Variants in TLN2 observed in about 807,000 individuals in gnomAD.
The protein encoded by TLN2 is talin-2.
Under a neutral mutation model 294.7 loss-of-function variants are expected in TLN2, and 118 were observed. The observed-to-expected ratio is 0.40, with a 90% CI of 0.34 to 0.47. The LOEUF (loss-of-function observed/expected upper bound fraction) is 0.47, where lower values mean the gene tolerates loss of function less well. Among genes scored for constraint, TLN2 ranks in the 20% least tolerant of loss-of-function variants. The pLI is 0.84. For missense variants in TLN2, 3,083 were observed against 3,282.2 expected, an observed-to-expected ratio of 0.94 and a Z score of 1.48; for synonymous variants, 1,431 against 1,304.5, an observed-to-expected ratio of 1.10 and a Z score of -2.09.
intron 3 of TLN2, among the ~76,000 whole-genome samples, chr15:62,622,566 C>T (rs899324087): frequency 1.3e-5 from 2 of 152,134 alleles, no homozygotes; most frequent in African/African-American, 4.8e-5. Flanking sequence ...ATACAACTTA[C>T]TGTAATTAAT....
At chr15:62,504,839 G>A (rs1245957063) in intron 1 of TLN2, among the ~76,000 whole-genome samples, 1 of 144,942 alleles carries the variant, frequency 6.9e-6, no homozygotes, top group Non-Finnish European at 1.5e-5. Flanking sequence ...GTGTGTGTGT[G>A]TGTGTGTGAG....
intron 42 of TLN2, among the ~76,000 whole-genome samples, chr15:62,774,743 A>T (rs1372063417): frequency 1.3e-5 from 2 of 152,166 alleles, no homozygotes; most frequent in African/African-American, 4.8e-5. Flanking sequence ...GAGCAAGGAT[A>T]TGCTTTTATA....
chr15:62,541,371 T>C (rs566914610), intron 1 of TLN2, among the ~76,000 whole-genome samples: 1 of 152,230 alleles, frequency 6.6e-6, no homozygotes, highest in Non-Finnish European at 1.5e-5. Flanking sequence ...TTCTGTTATT[T>C]CTTGCTCTCG....
rs1252022074 is a variant in TLN2, at chr15:62,650,138, T to C, written c.191T>C (p.Leu64Pro). The change falls in exon 5 of 59, where the codon CTG becomes CCG. Residue 64 changes from leucine (L) to proline (P), a missense_variant. Physicochemically the swap from Leu to Pro is moderately conservative, Grantham distance 98. Coordinates refer to ENST00000636159, the MANE Select transcript of TLN2 (RefSeq NM_015059.3). ...GAAGACCCGAGGAAAGGGATTTGGC[T>C]GGAAGCGGGCAGAACACTGGATTAC... is the stretch of plus-strand genomic sequence containing the variant. The part of the protein sequence containing the change: ...SDEDPRKGIW[L>P]EAGRTLDYYM... The C allele has an allele frequency of 6.2e-7, 1 of 1,614,208 alleles. No individual in the cohort carries two copies.
intron 3 of TLN2, among the ~76,000 whole-genome samples, chr15:62,630,168 C>A (rs542928426): frequency 6.6e-6 from 1 of 152,198 alleles, no homozygotes; most frequent in South Asian, 2.1e-4. Context: ...AACTAATCAT[C>A]ATTTTTGCTT....
chr15:62,532,672 C>G (rs2041113804), intron 1 of TLN2, among the ~76,000 whole-genome samples: 1 of 152,084 alleles, frequency 6.6e-6, no homozygotes, highest in East Asian at 1.9e-4. Context: ...GCAACAAAAC[C>G]ATGCCTCTCT....
At chr15:62,538,074 T>G (rs1404342445) in intron 1 of TLN2, among the ~76,000 whole-genome samples, 1 of 151,970 alleles carries the variant, frequency 6.6e-6, no homozygotes, top group East Asian at 1.9e-4. Context: ...ATACAAAAAT[T>G]AGCTGGGCAT....
At chr15:62,575,235 G>A (rs1050390259) in intron 1 of TLN2, among the ~76,000 whole-genome samples, 4 of 152,120 alleles carry the variant, frequency 2.6e-5, no homozygotes, top group African/African-American at 4.8e-5. Flanking sequence ...TGGGAGGATC[G>A]CTTGAGCCTT....
At chr15:62,838,764 C>A in intron 57 of TLN2, 92 bp from the exon 58 acceptor site, 1 of 1,501,886 alleles carries the variant, frequency 6.7e-7, no homozygotes, top group Non-Finnish European at 9.0e-7. Context: ...TCAATTGACT[C>A]ATGGTCTCAC....
At chr15:62,715,466 C>T (rs559257486) in intron 22 of TLN2, among the ~76,000 whole-genome samples, 1 of 152,268 alleles carries the variant, frequency 6.6e-6, no homozygotes, top group East Asian at 1.9e-4. Context: ...GAGAGGAAGG[C>T]TGGATGTGCT....
At chr15:62,487,416 C>G (rs1369509608) in intron 1 of TLN2, among the ~76,000 whole-genome samples, 4 of 152,154 alleles carry the variant, frequency 2.6e-5, no homozygotes, top group African/African-American at 9.7e-5. Flanking sequence ...TATCTTGGGT[C>G]AGTGCTTCTC....
intron 28 of TLN2, among the ~76,000 whole-genome samples, chr15:62,735,852 T>C (rs76545132): frequency 0.083 from 12,674 of 152,038 alleles, 786 homozygotes; most frequent in Admixed American, 0.21. Flanking sequence ...AACAGGAGAA[T>C]GGGTCAACAA....
chr15:62,570,708 T>G (rs1200354118), intron 1 of TLN2, among the ~76,000 whole-genome samples: 1 of 152,222 alleles, frequency 6.6e-6, no homozygotes, highest in Non-Finnish European at 1.5e-5. Flanking sequence ...GTTTAGCAGC[T>G]GCCTCGGCCT....
chr15:62,749,296 C>T (rs554591789), intron 33 of TLN2, among the ~76,000 whole-genome samples: 61 of 152,306 alleles, frequency 4.0e-4, no homozygotes, highest in Non-Finnish European at 7.6e-4. Context: ...ATCACAGGAC[C>T]GAAGCATTCT....
intron 52 of TLN2, among the ~76,000 whole-genome samples, chr15:62,818,393 C>G (rs1251531361): frequency 6.6e-6 from 1 of 152,142 alleles, no homozygotes; most frequent in African/African-American, 2.4e-5. Context: ...AGAATTTCAA[C>G]ATGAGGAAGG....
At chr15:62,585,420 A>C (rs1207483441) in intron 1 of TLN2, among the ~76,000 whole-genome samples, 1 of 152,198 alleles carries the variant, frequency 6.6e-6, no homozygotes, top group African/African-American at 2.4e-5. Flanking sequence ...ATAGCTAAGT[A>C]TGAGTATGAT....
chr15:62,470,001 A>G (rs1181242501), intron 1 of TLN2, among the ~76,000 whole-genome samples: 1 of 152,170 alleles, frequency 6.6e-6, no homozygotes, highest in Non-Finnish European at 1.5e-5. Context: ...TAAGTCCAGC[A>G]TTCTTCGTGA....
In TLN2 at chr15:62,792,757, G is replaced by A. The variant is rs371640026; in HGVS notation, c.5853G>A (p.Leu1951=). The change falls in exon 46 of 59, where the codon CTG becomes CTA. Residue 1951 remains leucine, a synonymous_variant. Transcript: ENST00000636159. Reference sequence around the variant, plus strand: ...CAGACAGCTACACCAAGAGGGAGCTGATCGAATGCGCCCGTGCCGTCACGG... The same window carrying A: ...CAGACAGCTACACCAAGAGGGAGCTAATCGAATGCGCCCGTGCCGTCACGG... ...CPTDSYTKRE[L]IECARAVTEK... 1 of 1,614,046 alleles carries A rather than the reference G, an allele frequency of 6.2e-7. No homozygotes were observed. The highest frequency in any genetic ancestry group is 8.5e-7 in the Non-Finnish European group (1 of 1,180,046).
At position 62,719,800 on chromosome 15, in the gene TLN2, G is replaced by T; in HGVS notation, c.2911G>T (p.Gly971Ter). ...VADHIPQLVQ[G>*]VRGSQAQAED... is the part of the protein sequence containing the mutation. ...TGATCACATCCCTCAGCTGGTCCAG[G>T]GAGTGAGGGGGAGCCAAGCTCAAGC... The change falls in exon 25 of 59, where the codon GGA (glycine) becomes TGA (stop). Residue 971 changes from glycine to a stop codon, truncating the protein, a stop_gained. Transcript: ENST00000636159. LOFTEE classifies it high-confidence loss of function. 6.2e-7 allele frequency: 1 copy of T among 1,611,774 alleles called. No homozygotes were observed.
Sources: gnomAD v4.1 joint callset for allele counts (sites outside exome capture counted in the v4.1 genomes callset) on GRCh38, gnomAD v4.1.1 for gene constraint, MANE v1.5 for transcripts, NCBI Gene and HGNC (gene_info 2026-07-23, HGNC 2026-07-21) for gene names.